Variants in LGMN observed in about 807,000 individuals in gnomAD.
The protein encoded by LGMN is legumain.
A neutral mutation model predicts 56.8 loss-of-function variants in LGMN; 36 were observed. That is an observed-to-expected ratio of 0.63 (90% CI 0.49 to 0.84). The LOEUF (loss-of-function observed/expected upper bound fraction) is 0.84, where lower values mean the gene tolerates loss of function less well. LGMN is among the 40% of genes least tolerant of loss of function. The pLI is 0.00. For synonymous variants in LGMN, 199 were observed against 210.1 expected (o/e 0.95, Z 0.46); for missense variants, 446 against 556.1 (o/e 0.80, Z 1.99).
chr14:92,729,036 G>A (rs982835061), intron 2 of LGMN, among the ~76,000 whole-genome samples: 2 of 151,978 alleles, frequency 1.3e-5, no homozygotes, highest in African/African-American at 2.4e-5. Flanking sequence ...CACCCTGAAC[G>A]GCATCTGACT....
chr14:92,730,568 A>G (rs1891001372), intron 2 of LGMN, among the ~76,000 whole-genome samples: 1 of 152,198 alleles, frequency 6.6e-6, no homozygotes, highest in Non-Finnish European at 1.5e-5. Context: ...CTGGGACTAC[A>G]AGCATGCTGG....
At chr14:92,730,771 C>T (rs746901032) in intron 2 of LGMN, among the ~76,000 whole-genome samples, 2 of 151,860 alleles carry the variant, frequency 1.3e-5, no homozygotes, top group Non-Finnish European at 2.9e-5. Context: ...TGGTGAAACC[C>T]GGCCTCTGCT....
Position 92,710,605 on chromosome 14 carries a change from A to G in LGMN, c.820-733T>C, listed in dbSNP as rs138336951. Among the ~76,000 whole-genome samples, 194 of 152,338 alleles carry G rather than the reference A, an allele frequency of 1.3e-3. 1 individual carries two copies. Among genetic ancestry groups the G allele is most frequent in the African/African-American group, 4.2e-3 (175 of 41,562 alleles). ...GCAACAATAATCTAACAACAGTTCT[A>G]AAATCAGCAATACCACACACACCAA... On this transcript the variant is annotated intron_variant, in intron 10 of 13. Transcript: ENST00000334869.
chr14:92,738,403 C>T (rs965936823), intron 1 of LGMN, among the ~76,000 whole-genome samples: 4 of 151,696 alleles, frequency 2.6e-5, no homozygotes, highest in Admixed American at 6.6e-5. Flanking sequence ...CTCAGCCTCC[C>T]GAGCAGCTGG....
Sources: gnomAD v4.1 joint callset for allele counts (sites outside exome capture counted in the v4.1 genomes callset) on GRCh38, gnomAD v4.1.1 for gene constraint, MANE v1.5 for transcripts, NCBI Gene and HGNC (gene_info 2026-07-23, HGNC 2026-07-21) for gene names.